TENT5D: variants seen among roughly 807,000 people sequenced by gnomAD.
TENT5D encodes cancer/testis antigen 112.
For synonymous variants in TENT5D, 103 were observed against 100.6 expected, an observed-to-expected ratio of 1.02 and a Z score of -0.15; for missense variants, 191 against 287.0, an observed-to-expected ratio of 0.67 and a Z score of 2.42.
intron 3 of TENT5D, among the ~76,000 whole-genome samples, chrX:80,344,556 A>T (rs1342051658): frequency 9.1e-6 from 1 of 110,378 alleles, no homozygotes; most frequent in Non-Finnish European, 1.9e-5. Flanking sequence ...ATGATTAATG[A>T]AGATGAGCAT....
chrX:80,438,732 T>C (rs1241292548), exon 2 of TENT5D: 5 of 110,784 alleles, frequency 4.5e-5, no homozygotes, highest in Admixed American at 3.9e-4. Flanking sequence ...ATCCTTTCAA[T>C]GTAAGTATGA....
At chrX:80,424,805 G>A (rs750853415) in intron 1 of TENT5D, among the ~76,000 whole-genome samples, 19 of 112,580 alleles carry the variant, frequency 1.7e-4, no homozygotes, top group African/African-American at 6.1e-4. Context: ...CCTTTTAGAT[G>A]GGCTTTGATG....
intron 3 of TENT5D, among the ~76,000 whole-genome samples, chrX:80,414,135 G>A (rs1448851936): frequency 2.7e-5 from 3 of 111,806 alleles, no homozygotes. Context: ...GGAGTTACCT[G>A]CCTTCCATCA....
intron 3 of TENT5D, among the ~76,000 whole-genome samples, chrX:80,353,722 A>G (rs945964995): frequency 8.9e-6 from 1 of 111,983 alleles, no homozygotes; most frequent in Non-Finnish European, 1.9e-5. Flanking sequence ...TATTGTGAAT[A>G]TTGCTAAAAT....
chrX:80,336,607 T>TA lies in TENT5D; in HGVS notation c.-207+900dup, dbSNP rs201076135. On this transcript the variant is annotated intron_variant, in intron 2 of 4. Coordinates refer to the TENT5D transcript ENST00000538312. The stretch of plus-strand genomic sequence containing the variant: ...CTTTTGGTATAAAGATAAAAAACAT[T>TA]AAAAAAAAAGATTTTCCCTGGACTC... Among the ~76,000 whole-genome samples the TA allele has an allele frequency of 2.1e-4, 23 of 107,605 alleles. 1 individual carries two copies. The highest frequency in any genetic ancestry group is 9.4e-3 in the Middle Eastern group (2 of 213). 93.4% of individuals were successfully genotyped at this position (107,605 alleles called of 115,157 possible).
chrX:80,389,939 T>C (rs1931093886), intron 3 of TENT5D, among the ~76,000 whole-genome samples: 2 of 111,724 alleles, frequency 1.8e-5, no homozygotes, highest in Non-Finnish European at 3.8e-5. Flanking sequence ...ATGAAAATGA[T>C]ACAGTAGAGT....
intron 3 of TENT5D, among the ~76,000 whole-genome samples, chrX:80,346,677 T>G (rs1930069174): frequency 8.9e-6 from 1 of 111,793 alleles, no homozygotes; most frequent in African/African-American, 3.3e-5. Flanking sequence ...TTTTTGTTTT[T>G]TACTTTAAGT....
chrX:80,344,977 T>A (rs1376149197), intron 3 of TENT5D, among the ~76,000 whole-genome samples: 1 of 111,194 alleles, frequency 9.0e-6, no homozygotes, highest in African/African-American at 3.3e-5. Context: ...ACTTAGAAGA[T>A]CTAGGTCTTT....
chrX:80,445,309 A>G (rs899094586), exon 3 of TENT5D: 26 of 122,738 alleles, frequency 2.1e-4, no homozygotes, highest in African/African-American at 8.1e-4. Context: ...TAGAAATGAA[A>G]GGACTATGAT....
chrX:80,348,483 T>C (rs957254787), intron 3 of TENT5D, among the ~76,000 whole-genome samples: 1 of 111,804 alleles, frequency 8.9e-6, no homozygotes, highest in African/African-American at 3.3e-5. Flanking sequence ...TGTATAGGAA[T>C]GCTTATGATT....
intron 3 of TENT5D, among the ~76,000 whole-genome samples, chrX:80,355,838 G>T (rs1930272788): frequency 9.0e-6 from 1 of 111,480 alleles, no homozygotes; most frequent in Non-Finnish European, 1.9e-5. Flanking sequence ...TGATGCTGTG[G>T]TCTCTCTTGG....
chrX:80,405,005 A>G (rs1931454758), intron 3 of TENT5D, among the ~76,000 whole-genome samples: 1 of 111,983 alleles, frequency 8.9e-6, no homozygotes, highest in Non-Finnish European at 1.9e-5. Flanking sequence ...GGAAGGAAAC[A>G]CTTCCTTTAG....
intron 3 of TENT5D, among the ~76,000 whole-genome samples, chrX:80,401,915 TA>T (rs981966094): frequency 8.9e-6 from 1 of 111,983 alleles, no homozygotes; most frequent in African/African-American, 3.2e-5. Flanking sequence ...ATTCTGGCCT[TA>T]TATAGTTTGG....
At chrX:80,342,195 C>T (rs771137854) in intron 2 of TENT5D, among the ~76,000 whole-genome samples, 1 of 111,422 alleles carries the variant, frequency 9.0e-6, no homozygotes, top group South Asian at 3.8e-4. Context: ...CATGGGTACC[C>T]TTGGCCTTAG....
chrX:80,374,300 A>G (rs1175151664), intron 3 of TENT5D, among the ~76,000 whole-genome samples: 1 of 111,501 alleles, frequency 9.0e-6, no homozygotes, highest in East Asian at 2.8e-4. Flanking sequence ...TAGTGCTGCA[A>G]TGAACACACG....
intron 3 of TENT5D, among the ~76,000 whole-genome samples, chrX:80,365,223 T>C (rs1365462835): frequency 1.8e-5 from 2 of 111,737 alleles, no homozygotes; most frequent in Non-Finnish European, 3.8e-5. Context: ...ACATTGTAGA[T>C]TATACTTTAT....
intron 3 of TENT5D, among the ~76,000 whole-genome samples, chrX:80,383,105 G>C (rs985724462): frequency 2.5e-4 from 28 of 112,259 alleles, no homozygotes; most frequent in African/African-American, 8.4e-4. Flanking sequence ...GACTGGAGCT[G>C]TTCCTATTCG....
chrX:80,437,599 T>A (rs761835749), intron 1 of TENT5D, among the ~76,000 whole-genome samples: 1 of 111,692 alleles, frequency 9.0e-6, no homozygotes, highest in Non-Finnish European at 1.9e-5. Flanking sequence ...ATACTATTTT[T>A]TTCTGAAATA....
rs752802976 is a variant in TENT5D at position 80,368,304 on chromosome X, A to G, written c.-142+25740A>G. On this transcript the variant is annotated intron_variant, in intron 3 of 4. Transcript: ENST00000538312. ...TGACTTTCACTCAGCCTGGAGTTCC[A>G]TCTTTTCTCAAACCCCAGTAATTCC... 1.3e-4 allele frequency among the ~76,000 whole-genome samples: 15 copies of G among 111,642 alleles called. 1 individual carries two copies. Among genetic ancestry groups the G allele is most frequent in the Admixed American group, 7.6e-4 (8 of 10,466 alleles).
Sources: allele counts gnomAD v4.1 joint callset (sites outside exome capture counted in the v4.1 genomes callset), GRCh38; gene constraint gnomAD v4.1.1; transcripts MANE v1.5; gene names NCBI Gene and HGNC (gene_info 2026-07-23, HGNC 2026-07-21).